NXPE2: variants seen among roughly 807,000 people sequenced by gnomAD.
NXPE2 encodes the protein neurexophilin and PC-esterase domain family member 2.
Under a neutral mutation model 34.4 loss-of-function variants are expected in NXPE2, and 34 were observed. The observed-to-expected ratio is 0.99, with a 90% confidence interval of 0.75 to 1.31. The LOEUF is 1.31. Ranked by LOEUF, NXPE2 falls within the 40% of genes most tolerant of loss-of-function variation. The probability of loss-of-function intolerance (pLI) is 0.00; values close to 1 mark genes in which losing one functional copy is unlikely to be tolerated. For missense variants in NXPE2, 649 were observed against 672.5 expected (o/e 0.97, Z 0.39); for synonymous variants, 235 against 231.3 (o/e 1.02, Z -0.15).
chr11:114,568,147 A>G, the NXPE2 span, among the ~76,000 whole-genome samples: 1 of 152,296 alleles, frequency 6.6e-6, no homozygotes, highest in Admixed American at 6.5e-5. Flanking sequence ...ATCTGAGCTC[A>G]CGTTCCCTTT....
the NXPE2 span, among the ~76,000 whole-genome samples, chr11:114,650,227 A>G: frequency 6.6e-6 from 1 of 152,200 alleles, no homozygotes; most frequent in Non-Finnish European, 1.5e-5. Context: ...TTGGTAGAGC[A>G]CAGGAAAAAG....
the NXPE2 span, chr11:114,527,908 A>C: frequency 2.5e-6 from 4 of 1,602,528 alleles, no homozygotes; most frequent in Admixed American, 6.8e-5. Flanking sequence ...GGACCTTCAA[A>C]AAAAAAATAG....
At chr11:114,495,061 G>A in the NXPE2 span, among the ~76,000 whole-genome samples, 30 of 152,266 alleles carry the variant, frequency 2.0e-4, no homozygotes, top group East Asian at 4.5e-3. Context: ...TCACCCAAGC[G>A]AACAAAAGTC....
At chr11:114,520,186 A>G in the NXPE2 span, among the ~76,000 whole-genome samples, 2 of 152,222 alleles carry the variant, frequency 1.3e-5, no homozygotes, top group South Asian at 2.1e-4. Context: ...TATAGTTCTC[A>G]TGCTGTACAT....
the NXPE2 span, among the ~76,000 whole-genome samples, chr11:114,535,803 A>T: frequency 6.6e-6 from 1 of 152,198 alleles, no homozygotes; most frequent in Non-Finnish European, 1.5e-5. Flanking sequence ...TGACCTACAA[A>T]GAGACTTAGA....
the NXPE2 span, among the ~76,000 whole-genome samples, chr11:114,626,666 G>C: frequency 6.6e-6 from 1 of 152,214 alleles, no homozygotes; most frequent in Non-Finnish European, 1.5e-5. Flanking sequence ...AACAAAGCTG[G>C]ACGGAGAATG....
At chr11:114,747,777 G>A in the NXPE2 span, among the ~76,000 whole-genome samples, 1 of 152,118 alleles carries the variant, frequency 6.6e-6, no homozygotes, top group African/African-American at 2.4e-5. Context: ...GTTGGGTGAG[G>A]ACACAGCGCC....
At chr11:114,751,054 C>T in the NXPE2 span, among the ~76,000 whole-genome samples, 4 of 152,190 alleles carry the variant, frequency 2.6e-5, no homozygotes, top group South Asian at 8.3e-4. Context: ...AAAGGTCCTG[C>T]CATTCTGTAT....
the NXPE2 span, among the ~76,000 whole-genome samples, chr11:114,624,426 GATA>G: frequency 1.3e-5 from 2 of 152,096 alleles, no homozygotes; most frequent in East Asian, 3.9e-4. Flanking sequence ...TTACCCACTG[GATA>G]ATAATTATTG....
the NXPE2 span, among the ~76,000 whole-genome samples, chr11:114,653,926 C>T: frequency 6.6e-6 from 1 of 152,022 alleles, no homozygotes; most frequent in African/African-American, 2.4e-5. Flanking sequence ...AGAGGAAGTT[C>T]CCATGATGTC....
the NXPE2 span, among the ~76,000 whole-genome samples, chr11:114,804,446 C>T: frequency 6.6e-6 from 1 of 152,200 alleles, no homozygotes; most frequent in Non-Finnish European, 1.5e-5. Flanking sequence ...AGGACAACAT[C>T]AATAGACAAT....
the NXPE2 span, among the ~76,000 whole-genome samples, chr11:114,805,530 C>T: frequency 3.9e-5 from 6 of 152,224 alleles, no homozygotes; most frequent in Non-Finnish European, 7.3e-5. Flanking sequence ...AATGGCATAC[C>T]AGGAGATTAT....
At chr11:114,558,120 T>C in the NXPE2 span, among the ~76,000 whole-genome samples, 1 of 151,990 alleles carries the variant, frequency 6.6e-6, no homozygotes. Context: ...AAGGAGACTA[T>C]AAGCAAGTCT....
chr11:114,801,133 C>T, the NXPE2 span, among the ~76,000 whole-genome samples: 1 of 152,030 alleles, frequency 6.6e-6, no homozygotes, highest in South Asian at 2.1e-4. Flanking sequence ...AACACAAAGT[C>T]CCTTGTTTTA....
At chr11:114,549,758 G>T in the NXPE2 span, among the ~76,000 whole-genome samples, 2 of 151,974 alleles carry the variant, frequency 1.3e-5, no homozygotes, top group Non-Finnish European at 2.9e-5. Flanking sequence ...AGCAATTCGA[G>T]ACACTGGAAT....
At chr11:114,635,958 A>T in the NXPE2 span, among the ~76,000 whole-genome samples, 1 of 152,058 alleles carries the variant, frequency 6.6e-6, no homozygotes, top group Non-Finnish European at 1.5e-5. Flanking sequence ...CGTCTTTGGT[A>T]TCAGGATGAT....
chr11:114,603,571 C>T, the NXPE2 span, among the ~76,000 whole-genome samples: 20 of 150,696 alleles, frequency 1.3e-4, no homozygotes, highest in African/African-American at 4.6e-4. Context: ...AGTATTGCCT[C>T]GTCTCCTAGG....
the NXPE2 span, among the ~76,000 whole-genome samples, chr11:114,646,820 C>G: frequency 2.6e-5 from 4 of 152,088 alleles, no homozygotes; most frequent in Admixed American, 2.6e-4. Flanking sequence ...ACTATGGTTA[C>G]AAAGCAGGAC....
chr11:114,623,623 C>T, the NXPE2 span, among the ~76,000 whole-genome samples: 2 of 152,062 alleles, frequency 1.3e-5, no homozygotes, highest in African/African-American at 4.8e-5. Flanking sequence ...CCCGTTTTAC[C>T]CACTGGATAA....
Sources: allele counts gnomAD v4.1 joint callset (sites outside exome capture counted in the v4.1 genomes callset), GRCh38; gene constraint gnomAD v4.1.1; transcripts MANE v1.5; gene names NCBI Gene and HGNC (gene_info 2026-07-23, HGNC 2026-07-21).